SUMF1: variants seen among roughly 807,000 people sequenced by gnomAD.
SUMF1 encodes the protein sulfatase modifying factor 1, also known as formylglycine-generating enzyme.
SUMF1 carries 48 observed loss-of-function variants against 47.6 expected under a neutral mutation model. The ratio of observed to expected loss-of-function variants is 1.01; its 90% CI spans 0.80 to 1.28. SUMF1 has a LOEUF of 1.28. Ranked by LOEUF, SUMF1 falls within the 50% of genes most tolerant of loss-of-function variation. The probability of loss-of-function intolerance (pLI) is 0.00; values close to 1 mark genes in which losing one functional copy is unlikely to be tolerated. For missense variants in SUMF1, 571 were observed against 485.4 expected (o/e 1.18, Z -1.66); for synonymous variants, 230 against 192.1 (o/e 1.20, Z -1.63).
chr3:4,387,672 T>C lies in SUMF1; in HGVS notation c.955-11283A>G, dbSNP rs117784756. On this transcript the variant is annotated intron_variant, in intron 7 of 8. Transcript: ENST00000272902. The stretch of plus-strand genomic sequence containing the variant: ...TTCTTCTGGGTCAAGCTGAAACATA[T>C]TGATTTTAGACTTTTTCTCTTTTCT... Among the ~76,000 whole-genome samples, 21 of 152,134 alleles carry C rather than the reference T, an allele frequency of 1.4e-4. No individual in the cohort carries two copies. In the East Asian group the frequency reaches 3.9e-3, roughly 28 times the overall value.
intron 8 of SUMF1, among the ~76,000 whole-genome samples, chr3:4,199,203 G>T (rs780263233): frequency 6.6e-6 from 1 of 152,064 alleles, no homozygotes; most frequent in Non-Finnish European, 1.5e-5. Context: ...TGTCTCTATA[G>T]TTCTGTCTTT....
chr3:4,158,529 T>G (rs1694504979), intron 8 of SUMF1, among the ~76,000 whole-genome samples: 1 of 151,532 alleles, frequency 6.6e-6, no homozygotes, highest in African/African-American at 2.4e-5. Context: ...ATCTGTCCAG[T>G]GCTGAAAGTG....
intron 1 of SUMF1, among the ~76,000 whole-genome samples, chr3:4,462,240 C>G (rs2079831456): frequency 1.3e-5 from 2 of 152,278 alleles, no homozygotes; most frequent in East Asian, 3.9e-4. Flanking sequence ...TTCTTTTGAC[C>G]ACGGAGATGT....
intron 8 of SUMF1, among the ~76,000 whole-genome samples, chr3:4,096,717 C>T (rs769584755): frequency 3.9e-5 from 6 of 152,054 alleles, no homozygotes; most frequent in Non-Finnish European, 7.4e-5. Flanking sequence ...GCAAGAAAAA[C>T]TCTGGTGGTA....
intron 9 of SUMF1, among the ~76,000 whole-genome samples, chr3:4,057,695 C>A (rs1695216110): frequency 6.6e-6 from 1 of 152,032 alleles, no homozygotes; most frequent in Non-Finnish European, 1.5e-5. Flanking sequence ...GAAGGAGGAA[C>A]CTGTGGTCCA....
intron 3 of SUMF1, among the ~76,000 whole-genome samples, chr3:4,427,603 A>T (rs1194579217): frequency 6.6e-6 from 1 of 152,238 alleles, no homozygotes; most frequent in Non-Finnish European, 1.5e-5. Flanking sequence ...AATAGACTGC[A>T]TGGGAGAGAA....
downstream of SUMF1, among the ~76,000 whole-genome samples, chr3:4,358,557 C>A (rs1391021701): frequency 6.6e-6 from 1 of 152,110 alleles, no homozygotes; most frequent in Non-Finnish European, 1.5e-5. Context: ...AACAAGCAGG[C>A]ACAAACCTTC....
In SUMF1 at chr3:4,259,885, A is replaced by AT. The variant is rs35243776; in HGVS notation, c.1014+116444dup. On this transcript the variant is annotated intron_variant and NMD_transcript_variant, in intron 8 of 12. Transcript: ENST00000448413. The stretch of plus-strand genomic sequence containing the variant: ...TTAGAAACTATTACCATTTGTTTAA[A>AT]TTTTTTTTTAACCAACGGAGATAAT... Among the ~76,000 whole-genome samples the AT allele has an allele frequency of 1.2e-4, 18 of 151,832 alleles. No individual in the cohort carries two copies. The East Asian group carries it at 2.7e-3, about 23-fold the overall frequency.
intron 8 of SUMF1, among the ~76,000 whole-genome samples, chr3:4,107,928 T>C (rs187224841): frequency 1.3e-5 from 2 of 151,682 alleles, no homozygotes; most frequent in Admixed American, 1.3e-4. Context: ...TGGTGTGGTA[T>C]TTTCTGTGAT....
intron 8 of SUMF1, among the ~76,000 whole-genome samples, chr3:4,321,542 A>G (rs1698834605): frequency 6.6e-6 from 1 of 151,806 alleles, no homozygotes; most frequent in African/African-American, 2.4e-5. Context: ...GAGTATAGAA[A>G]CAAATTGTAA....
chr3:4,040,428 G>A lies in SUMF1; in HGVS notation c.1191+28141C>T, dbSNP rs74998362. Among the ~76,000 whole-genome samples, 515 of 152,130 alleles carry A rather than the reference G, an allele frequency of 3.4e-3. 2 individuals carry two copies. The highest frequency in any genetic ancestry group is 9.8e-3 in the African/African-American group (407 of 41,496). On this transcript the variant is annotated intron_variant and NMD_transcript_variant, in intron 9 of 12. Transcript: ENST00000448413. ...TATAGTGACCAGGAACCCAGCAGGC[G>A]TCTAATAACCCTTCCTCCAGCCCTG...
rs181559928 is a variant in SUMF1, at chr3:4,236,104, T to C, written c.1014+140226A>G. On this transcript the variant is annotated intron_variant and NMD_transcript_variant, in intron 8 of 12. Transcript: ENST00000448413. ...ATAACCAGGCATGCATCACCACATC[T>C]TGCTAATTTTTTGTATAGATGGGGT... 1.4e-3 allele frequency among the ~76,000 whole-genome samples: 210 copies of C among 152,196 alleles called. 1 individual carries two copies. Among genetic ancestry groups the C allele is most frequent in the African/African-American group, 4.9e-3 (202 of 41,548 alleles).
At chr3:4,165,021 C>G (rs1694666145) in intron 8 of SUMF1, among the ~76,000 whole-genome samples, 1 of 152,124 alleles carries the variant, frequency 6.6e-6, no homozygotes, top group Non-Finnish European at 1.5e-5. Flanking sequence ...GTTTATGAAT[C>G]CAGTCCCCGT....
At chr3:4,302,322 G>C (rs545567223) in intron 8 of SUMF1, among the ~76,000 whole-genome samples, 202 of 152,236 alleles carry the variant, frequency 1.3e-3, no homozygotes, top group African/African-American at 4.7e-3. Context: ...CGGGTGAGGG[G>C]TGGCTTCCAG....
chr3:4,377,717 G>A (rs569986276), intron 7 of SUMF1, among the ~76,000 whole-genome samples: 1 of 152,286 alleles, frequency 6.6e-6, no homozygotes, highest in East Asian at 1.9e-4. Context: ...TCAACATCAG[G>A]TAAGGCATAC....
Position 4,394,793 on chromosome 3 carries a change from C to T in SUMF1, c.954+16072G>A, listed in dbSNP as rs150950098. 2.0e-5 allele frequency among the ~76,000 whole-genome samples: 3 copies of T among 152,278 alleles called. No homozygotes were observed. The East Asian group carries it at 5.8e-4, about 29-fold the overall frequency. ...TATCCTCCTTTAGTTTCTCTGGGTCCTGGGCAGGTCTGTATTTAGCTCTGT... is the reference window on the plus strand; with the variant it reads ...TATCCTCCTTTAGTTTCTCTGGGTCTTGGGCAGGTCTGTATTTAGCTCTGT... On this transcript the variant is annotated intron_variant, in intron 7 of 8. Transcript: ENST00000272902.
At chr3:4,287,879 C>T (rs1449563348) in intron 8 of SUMF1, among the ~76,000 whole-genome samples, 1 of 152,176 alleles carries the variant, frequency 6.6e-6, no homozygotes, top group Non-Finnish European at 1.5e-5. Flanking sequence ...ATTAGTAAAT[C>T]TTCCAATATA....
At chr3:4,180,722 G>A (rs79790957) in intron 8 of SUMF1, among the ~76,000 whole-genome samples, 880 of 18,680 alleles carry the variant, frequency 0.047, 14 homozygotes, top group African/African-American at 0.15. Context: ...GCATGGTGGC[G>A]CACTCCTATG....
At chr3:4,297,189 T>G (rs1223131365) in intron 8 of SUMF1, among the ~76,000 whole-genome samples, 1 of 150,826 alleles carries the variant, frequency 6.6e-6, no homozygotes, top group Non-Finnish European at 1.5e-5. Context: ...GATCACTGTG[T>G]AATATAAACA....
Sources: allele counts gnomAD v4.1 joint callset (sites outside exome capture counted in the v4.1 genomes callset), GRCh38; gene constraint gnomAD v4.1.1; transcripts MANE v1.5; gene names NCBI Gene and HGNC (gene_info 2026-07-23, HGNC 2026-07-21).